PISD: variants seen among roughly 807,000 people sequenced by gnomAD.
The protein encoded by PISD is phosphatidylserine decarboxylase, also known as phosphatidylserine decarboxylase proenzyme, mitochondrial.
In PISD, 31 loss-of-function variants were observed where a neutral mutation model predicts 43.5. The ratio of observed to expected loss-of-function variants is 0.71; its 90% CI spans 0.54 to 0.96. The LOEUF (loss-of-function observed/expected upper bound fraction) is 0.96. Among genes scored for constraint, PISD ranks in the 40% least tolerant of loss-of-function variants. The pLI is 0.00. For synonymous variants in PISD, 259 were observed against 228.7 expected (o/e 1.13, Z -1.20); for missense variants, 523 against 548.4 (o/e 0.95, Z 0.46).
intron 1 of PISD, among the ~76,000 whole-genome samples, chr22:31,651,416 A>G (rs1320691094): frequency 1.3e-5 from 2 of 152,232 alleles, no homozygotes; most frequent in African/African-American, 2.4e-5. Context: ...GAATCTAGGT[A>G]AAAGGTATTT....
At chr22:31,633,498 G>A (rs1385856820) in intron 3 of PISD, among the ~76,000 whole-genome samples, 1 of 152,088 alleles carries the variant, frequency 6.6e-6, no homozygotes, top group Non-Finnish European at 1.5e-5. Context: ...GGCGGATCAC[G>A]AGGTCAGGAG....
At chr22:31,652,669 C>T (rs113037024) in intron 1 of PISD, among the ~76,000 whole-genome samples, 12,169 of 148,008 alleles carry the variant, frequency 0.082, 547 homozygotes, top group African/African-American at 0.14. Context: ...TAGCCGGGCG[C>T]GGTGGCACAC....
intron 3 of PISD, among the ~76,000 whole-genome samples, chr22:31,640,088 TCAAGCTGCGCACACTC>T (rs2073645270): frequency 6.6e-6 from 1 of 152,038 alleles, no homozygotes; most frequent in South Asian, 2.1e-4. Flanking sequence ...AAAGCATTAT[TCAAGCTGCGCACACTC>T]CACGCGACGG....
rs1200710274 is a variant in PISD, at chr22:31,619,413, G to A, written c.*199C>T. The A allele has an allele frequency of 3.0e-6, 2 of 675,096 alleles. No individual in the cohort carries two copies. The highest frequency in any genetic ancestry group is 3.5e-5 in the African/African-American group (2 of 56,738). 41.8% of individuals were successfully genotyped at this position (675,096 alleles called of 1,614,324 possible). On this transcript the variant is annotated 3_prime_UTR_variant, in exon 8 of 8. Coordinates refer to ENST00000439502, the MANE Select transcript of PISD (RefSeq NM_001326411.2). ...GCAGAAGGAACGGGATAGGTTGAGG[G>A]GCATGATGGGGGCTCTCGCCACCTC...
At chr22:31,638,631 A>G in intron 3 of PISD, 1 of 985,066 alleles carries the variant, frequency 1.0e-6, no homozygotes, top group African/African-American at 1.7e-5. Flanking sequence ...CACAAAAACC[A>G]GTTCTGTCTC....
intron 3 of PISD, among the ~76,000 whole-genome samples, chr22:31,627,016 G>A (rs369815384): frequency 1.3e-5 from 2 of 152,228 alleles, no homozygotes; most frequent in African/African-American, 2.4e-5. Context: ...CTGTGGTCGC[G>A]CGTGGTTGAA....
chr22:31,621,571 C>A, intron 4 of PISD, 78 bp downstream of exon 4: 1 of 1,592,286 alleles, frequency 6.3e-7, no homozygotes, highest in Non-Finnish European at 8.6e-7. Context: ...CTTCCAGATA[C>A]GCTGGAGACC....
At chr22:31,655,165 C>G (rs928310336) in intron 1 of PISD, among the ~76,000 whole-genome samples, 21 of 151,700 alleles carry the variant, frequency 1.4e-4, no homozygotes, top group Non-Finnish European at 1.2e-4. Flanking sequence ...TCAGGAACAC[C>G]CAATGCAGCT....
intron 1 of PISD, among the ~76,000 whole-genome samples, chr22:31,652,388 G>A (rs5998072): frequency 6.6e-6 from 1 of 151,386 alleles, no homozygotes; most frequent in Non-Finnish European, 1.5e-5. Context: ...GCCTCGGCCC[G>A]CCAAAGTGCT....
At chr22:31,622,036 T>C (rs1039845941) in intron 3 of PISD, 151 bp from the exon 4 acceptor site, 25 of 635,578 alleles carry the variant, frequency 3.9e-5, no homozygotes, top group African/African-American at 3.6e-4. Flanking sequence ...GCTTTTGTGA[T>C]GTGGCTGTTT....
intron 1 of PISD, among the ~76,000 whole-genome samples, chr22:31,656,900 C>T (rs1267502470): frequency 6.6e-6 from 1 of 152,144 alleles, no homozygotes; most frequent in Non-Finnish European, 1.5e-5. Flanking sequence ...ATGTTACCTC[C>T]TCAGTGCAGT....
At chr22:31,642,450 G>C (rs146746700) in intron 3 of PISD, among the ~76,000 whole-genome samples, 1 of 150,508 alleles carries the variant, frequency 6.6e-6, no homozygotes, top group Admixed American at 6.6e-5. Context: ...GCAAGAGCCT[G>C]CCTCAAAAAA....
intron 3 of PISD, among the ~76,000 whole-genome samples, chr22:31,646,293 G>A (rs1001467845): frequency 1.3e-5 from 2 of 152,132 alleles, no homozygotes; most frequent in African/African-American, 2.4e-5. Context: ...ATCAAGAAGA[G>A]TATCTAACTT....
chr22:31,620,478 G>A (rs948923165), intron 7 of PISD, 75 bp downstream of exon 7: 14 of 1,456,960 alleles, frequency 9.6e-6, no homozygotes, highest in East Asian at 6.9e-5. Flanking sequence ...CAACGCATCC[G>A]CCGCACAGCA....
At chr22:31,653,365 C>T (rs1028227852) in intron 1 of PISD, among the ~76,000 whole-genome samples, 3 of 152,098 alleles carry the variant, frequency 2.0e-5, no homozygotes, top group Non-Finnish European at 4.4e-5. Flanking sequence ...TGTACATTGC[C>T]GCATTGTGTT....
chr22:31,629,318 G>T, intron 3 of PISD: 1 of 654,342 alleles, frequency 1.5e-6, no homozygotes, highest in Non-Finnish European at 1.9e-6. Flanking sequence ...AGGGGTGCGT[G>T]TATAGGTGCG....
rs186278706 is a variant in PISD at position 31,641,626 on chromosome 22, C to T, written c.321+6475G>A. On this transcript the variant is annotated intron_variant, in intron 3 of 7. Coordinates refer to ENST00000439502, the MANE Select transcript of PISD (RefSeq NM_001326411.2). ...GGTCAAGAGTTCAAGAACAGCCTGGCCAACAATGGTGAAACCCGATCTCTA... is the reference window on the plus strand; with the variant it reads ...GGTCAAGAGTTCAAGAACAGCCTGGTCAACAATGGTGAAACCCGATCTCTA... Among the ~76,000 whole-genome samples the T allele has an allele frequency of 2.1e-3, 321 of 151,086 alleles. 1 individual carries two copies. Among genetic ancestry groups the T allele is most frequent in the Non-Finnish European group, 1.9e-3 (129 of 67,972 alleles).
intron 3 of PISD, among the ~76,000 whole-genome samples, chr22:31,625,404 A>G (rs2072846147): frequency 6.6e-6 from 1 of 152,142 alleles, no homozygotes; most frequent in Non-Finnish European, 1.5e-5. Context: ...CACCCCTCCC[A>G]TGGGCAGGAA....
chr22:31,647,431 T>G (rs1374102293), intron 3 of PISD, among the ~76,000 whole-genome samples: 1 of 152,204 alleles, frequency 6.6e-6, no homozygotes, highest in African/African-American at 2.4e-5. Flanking sequence ...TGTCACCCCC[T>G]CTTTTGCCCA....
Sources: gnomAD v4.1 joint callset for allele counts (sites outside exome capture counted in the v4.1 genomes callset) on GRCh38, gnomAD v4.1.1 for gene constraint, MANE v1.5 for transcripts, NCBI Gene and HGNC (gene_info 2026-07-23, HGNC 2026-07-21) for gene names.